STYXL1: variants seen among roughly 807,000 people sequenced by gnomAD.
The protein encoded by STYXL1 is serine/threonine/tyrosine-interacting-like protein 1.
In STYXL1, 32 loss-of-function variants were observed where a neutral mutation model predicts 36.4. The ratio of observed to expected loss-of-function variants is 0.88; its 90% CI spans 0.66 to 1.18. STYXL1 has a LOEUF of 1.18. STYXL1 is among the 50% of genes most tolerant of loss of function. The pLI is 0.00. For synonymous variants in STYXL1, 133 were observed against 144.1 expected (o/e 0.92, Z 0.55); for missense variants, 354 against 394.1 (o/e 0.90, Z 0.86).
At chr7:76,041,532 G>A (rs1282232613) in intron 1 of STYXL1, among the ~76,000 whole-genome samples, 1 of 152,150 alleles carries the variant, frequency 6.6e-6, no homozygotes, top group Non-Finnish European at 1.5e-5. Context: ...TTGAGAGCAG[G>A]TTGTTATAAA....
At chr7:76,000,771 G>A (rs1790794394) in intron 8 of STYXL1, 119 bp downstream of exon 8, 7 of 767,034 alleles carry the variant, frequency 9.1e-6, no homozygotes, top group Middle Eastern at 3.5e-4. Context: ...CCTAGACTTG[G>A]AGTTATCTGG....
intron 1 of STYXL1, among the ~76,000 whole-genome samples, chr7:76,042,178 C>T (rs1307295547): frequency 2.6e-5 from 4 of 152,104 alleles, no homozygotes; most frequent in Admixed American, 1.3e-4. Flanking sequence ...GTACACATTA[C>T]AGAACTTCAG....
Position 76,003,934 on chromosome 7 carries a change from G to T in STYXL1, c.600-79C>A, listed in dbSNP as rs1281944220. On this transcript the variant is annotated intron_variant, in intron 6 of 8. Transcript: ENST00000359697. The stretch of plus-strand genomic sequence containing the variant: ...CCATTGTGGGGTTTTCATCACAGCA[G>T]AAGGGCCACAGGGAGGACGCTGAGC... 3.0e-6 allele frequency: 4 copies of T among 1,315,438 alleles called. No individual in the cohort carries two copies. The East Asian group carries it at 9.5e-5, about 31-fold the overall frequency. 81.5% of individuals were successfully genotyped at this position (1,315,438 alleles called of 1,614,324 possible). A position where few individuals can be genotyped will look rare whatever the true frequency, so the allele number is the denominator to read the frequency against.
At chr7:76,043,699 T>C (rs1554582753) in intron 1 of STYXL1, among the ~76,000 whole-genome samples, 1 of 152,154 alleles carries the variant, frequency 6.6e-6, no homozygotes, top group Non-Finnish European at 1.5e-5. Flanking sequence ...GCCCCATCTC[T>C]ACTCTCTTAT....
intron 5 of STYXL1, among the ~76,000 whole-genome samples, chr7:76,009,476 A>AT (rs1447235689): frequency 1.3e-5 from 2 of 151,538 alleles, no homozygotes; most frequent in Non-Finnish European, 2.9e-5. Flanking sequence ...CAGTGGTGTG[A>AT]CTCAGCTCAC....
chr7:76,014,613 A>G (rs962328461), intron 4 of STYXL1, among the ~76,000 whole-genome samples: 25 of 152,024 alleles, frequency 1.6e-4, no homozygotes, highest in Non-Finnish European at 2.8e-4. Context: ...TCAGCCTCCC[A>G]GAGTGCTGAG....
intron 1 of STYXL1, among the ~76,000 whole-genome samples, chr7:76,039,256 T>G (rs1554581572): frequency 2.0e-5 from 3 of 149,014 alleles, no homozygotes; most frequent in Admixed American, 2.0e-4. Context: ...TTTTAGTTTC[T>G]GTAGAGTCAG....
chr7:76,028,566 G>C, intron 3 of STYXL1, 76 bp downstream of exon 3: 1 of 1,374,178 alleles, frequency 7.3e-7, no homozygotes, highest in South Asian at 1.2e-5. Flanking sequence ...GCTGGATTGA[G>C]GGTGAAACTT....
chr7:76,024,479 TG>T (rs1563500503), intron 3 of STYXL1, among the ~76,000 whole-genome samples: 1 of 151,978 alleles, frequency 6.6e-6, no homozygotes, highest in African/African-American at 2.4e-5. Context: ...TAGCTGGGTG[TG>T]GTGGTGCACA....
At position 76,013,823 on chromosome 7, in the gene STYXL1, G is replaced by A; in HGVS notation, c.372C>T (p.Val124=). 1 of 1,614,082 alleles carries A rather than the reference G, an allele frequency of 6.2e-7. No individual in the cohort carries two copies. The highest frequency in any genetic ancestry group is 2.2e-5 in the East Asian group (1 of 44,872). The change falls in exon 5 of 9, where the codon GTC becomes GTT. Residue 124 remains valine, a synonymous_variant. Transcript: ENST00000359697. ...GCTCATAGCCCCCTTTCAGGATGTAGACGGGGTGGTGGGTGAGGCGGGTCA... is the reference window on the plus strand; with the variant it reads ...GCTCATAGCCCCCTTTCAGGATGTAAACGGGGTGGTGGGTGAGGCGGGTCA... The part of the protein sequence containing the change: ...RILTRLTHHP[V]YILKGGYERF...
intron 1 of STYXL1, among the ~76,000 whole-genome samples, chr7:76,036,527 G>A (rs1448242471): frequency 1.3e-5 from 2 of 150,006 alleles, no homozygotes; most frequent in African/African-American, 4.9e-5. Flanking sequence ...TTTCCTTTGT[G>A]AATCCATTAA....
At chr7:75,997,279 C>T (rs1790246436) in intron 8 of STYXL1, among the ~76,000 whole-genome samples, 1 of 152,060 alleles carries the variant, frequency 6.6e-6, no homozygotes, top group African/African-American at 2.4e-5. Flanking sequence ...TAAAAAAATG[C>T]AAAAATTAGC....
At chr7:75,999,509 G>GTTTGTA (rs782747902) in intron 8 of STYXL1, among the ~76,000 whole-genome samples, 6 of 102,098 alleles carry the variant, frequency 5.9e-5, no homozygotes, top group Admixed American at 2.9e-4. Flanking sequence ...GTGTGTGTGT[G>GTTTGTA]TATGTGTGTG....
At chr7:76,007,991 G>C (rs1400333079) in intron 5 of STYXL1, among the ~76,000 whole-genome samples, 6 of 151,504 alleles carry the variant, frequency 4.0e-5, no homozygotes, top group Non-Finnish European at 5.9e-5. Context: ...TTGAGGTCAG[G>C]AGTTTGAGAC....
intron 3 of STYXL1, 85 bp from the exon 4 acceptor site, chr7:76,022,077 G>T: frequency 6.5e-7 from 1 of 1,548,020 alleles, no homozygotes; most frequent in South Asian, 1.2e-5. Context: ...TAGCAGCACT[G>T]GGAGGAGCTA....
At chr7:76,022,317 T>TA (rs2116081877) in intron 3 of STYXL1, among the ~76,000 whole-genome samples, 1 of 152,204 alleles carries the variant, frequency 6.6e-6, no homozygotes, top group East Asian at 1.9e-4. Context: ...TCAATTGAAT[T>TA]AGTGATATCC....
intron 1 of STYXL1, among the ~76,000 whole-genome samples, chr7:76,033,108 AG>A (rs1795550030): frequency 6.6e-6 from 1 of 152,192 alleles, no homozygotes; most frequent in East Asian, 1.9e-4. Flanking sequence ...TGTTTCTGGA[AG>A]GGTCAGGCCT....
At chr7:76,033,790 G>A (rs1795644645) in intron 1 of STYXL1, among the ~76,000 whole-genome samples, 1 of 152,060 alleles carries the variant, frequency 6.6e-6, no homozygotes, top group South Asian at 2.1e-4. Flanking sequence ...TCTCTCAAAA[G>A]CGTGGTGTTT....
chr7:76,005,328 C>CAG lies in STYXL1; in HGVS notation c.528_529dup (p.Cys177SerfsTer10). Reference sequence around the variant, plus strand: ...CAAGTCCTTCTGAATCTTGGGGTCACAGGCTTGACTGAAATTGCCAACGAA... The same window carrying CAG: ...CAAGTCCTTCTGAATCTTGGGGTCACAGAGGCTTGACTGAAATTGCCAACGAA... On this transcript the variant is annotated frameshift_variant, in exon 6 of 9. Coordinates refer to ENST00000359697, the MANE Select transcript of STYXL1 (RefSeq NM_001317785.2). LOFTEE classifies it high-confidence loss of function. The CAG allele has an allele frequency of 6.2e-7, 1 of 1,613,360 alleles. No individual in the cohort carries two copies. Among genetic ancestry groups the CAG allele is most frequent in the Non-Finnish European group, 8.5e-7 (1 of 1,179,476 alleles).
Sources: gnomAD v4.1 joint callset for allele counts (sites outside exome capture counted in the v4.1 genomes callset) on GRCh38, gnomAD v4.1.1 for gene constraint, MANE v1.5 for transcripts, NCBI Gene and HGNC (gene_info 2026-07-23, HGNC 2026-07-21) for gene names.